The following ZMYM2 variants were observed in gnomAD, a reference collection of about 807,000 sequenced individuals.
ZMYM2 encodes zinc finger MYM-type containing 2.
A neutral mutation model predicts 162.8 loss-of-function variants in ZMYM2; 56 were observed. That is an observed-to-expected ratio of 0.34 (90% confidence interval 0.28 to 0.43). ZMYM2 has a LOEUF of 0.43. ZMYM2 is among the 20% of genes least tolerant of loss of function. ZMYM2 has a pLI of 1.00. For synonymous variants in ZMYM2, 510 were observed against 541.6 expected (o/e 0.94, Z 0.81); for missense variants, 1,275 against 1,621.8 (o/e 0.79, Z 3.67).
chr13:19,949,815 A>C, the ZMYM2 span, among the ~76,000 whole-genome samples: 1 of 150,412 alleles, frequency 6.6e-6, no homozygotes, highest in Admixed American at 6.6e-5. Flanking sequence ...TGAACCTGGG[A>C]GAACGAGATT....
At chr13:19,962,883 G>T (rs577316387) in intron 2 of ZMYM2, among the ~76,000 whole-genome samples, 62 of 146,024 alleles carry the variant, frequency 4.2e-4, no homozygotes, top group African/African-American at 1.5e-3. Context: ...GTGCAGTGGC[G>T]TGATGTCTGC....
At chr13:20,064,230 T>C (rs1262006609) in intron 18 of ZMYM2, among the ~76,000 whole-genome samples, 1 of 152,080 alleles carries the variant, frequency 6.6e-6, no homozygotes, top group East Asian at 1.9e-4. Flanking sequence ...ATGAAAATTT[T>C]ATGTTGATAT....
chr13:19,945,328 T>C, the ZMYM2 span, among the ~76,000 whole-genome samples: 1 of 152,098 alleles, frequency 6.6e-6, no homozygotes, highest in Non-Finnish European at 1.5e-5. Context: ...CTCGGCTCAC[T>C]ACAACCTCTG....
chr13:20,009,919 T>C (rs181061876), intron 6 of ZMYM2, among the ~76,000 whole-genome samples: 32 of 152,310 alleles, frequency 2.1e-4, no homozygotes, highest in South Asian at 6.2e-4. Flanking sequence ...TTCCATTCTT[T>C]TGGATGAGTG....
At chr13:20,044,283 T>A (rs1349577829) in intron 12 of ZMYM2, among the ~76,000 whole-genome samples, 1 of 152,142 alleles carries the variant, frequency 6.6e-6, no homozygotes, top group Non-Finnish European at 1.5e-5. Flanking sequence ...GGCTGAAGGG[T>A]TTCCTCCTGC....
intron 2 of ZMYM2, among the ~76,000 whole-genome samples, chr13:19,967,594 G>A (rs573553487): frequency 7.9e-5 from 12 of 152,168 alleles, no homozygotes; most frequent in African/African-American, 1.2e-4. Flanking sequence ...TTTACTACAC[G>A]TACATTATGC....
chr13:19,912,292 G>GTTTTTTTTTTTTTTTTTTTTT, the ZMYM2 span, among the ~76,000 whole-genome samples: 10 of 75,710 alleles, frequency 1.3e-4, no homozygotes, highest in Admixed American at 1.6e-4. Flanking sequence ...TGTTTTTTGG[G>GTTTTTTTTTTTTTTTTTTTTT]TTTTTTTTTT....
chr13:19,884,777 C>T, the ZMYM2 span, among the ~76,000 whole-genome samples: 1 of 152,108 alleles, frequency 6.6e-6, no homozygotes, highest in African/African-American at 2.4e-5. Context: ...GTGCCGACGC[C>T]CCCAAGACAG....
At chr13:20,071,669 C>T (rs1387039243) in intron 21 of ZMYM2, among the ~76,000 whole-genome samples, 1 of 152,156 alleles carries the variant, frequency 6.6e-6, no homozygotes, top group Non-Finnish European at 1.5e-5. Flanking sequence ...GGGAGAGTAG[C>T]CTTTGCTATG....
intron 2 of ZMYM2, among the ~76,000 whole-genome samples, chr13:19,971,264 T>A (rs2031209): frequency 0.17 from 8,654 of 49,686 alleles, 429 homozygotes; most frequent in African/African-American, 0.25. Context: ...ATATATATAT[T>A]TTTTTTTTTT....
At chr13:20,060,244 C>T (rs1956128379) in intron 16 of ZMYM2, among the ~76,000 whole-genome samples, 1 of 152,172 alleles carries the variant, frequency 6.6e-6, no homozygotes, top group African/African-American at 2.4e-5. Flanking sequence ...CGACAGTTAA[C>T]TTAGATTTGG....
intron 2 of ZMYM2, among the ~76,000 whole-genome samples, chr13:19,975,311 T>A (rs1381951127): frequency 6.6e-6 from 1 of 152,158 alleles, no homozygotes; most frequent in Non-Finnish European, 1.5e-5. Context: ...GTTTTCATCA[T>A]CCCAAATAGA....
intron 8 of ZMYM2, 93 bp from the exon 9 acceptor site, chr13:20,027,110 T>G (rs1485206374): frequency 1.2e-6 from 1 of 864,460 alleles, no homozygotes; most frequent in African/African-American, 1.7e-5. Context: ...TAGTTTATTT[T>G]TTAACAGAAA....
At chr13:20,022,588 T>C (rs1478658633) in intron 7 of ZMYM2, among the ~76,000 whole-genome samples, 1 of 152,182 alleles carries the variant, frequency 6.6e-6, no homozygotes, top group Non-Finnish European at 1.5e-5. Context: ...TTAGAATAAG[T>C]CTGCTAAAAG....
At chr13:20,062,110 C>T (rs142438163) in intron 17 of ZMYM2, among the ~76,000 whole-genome samples, 99 of 152,180 alleles carry the variant, frequency 6.5e-4, no homozygotes, top group African/African-American at 2.3e-3. Flanking sequence ...CCCTAGAGGA[C>T]AATCAAAATA....
rs552736672 is a variant in ZMYM2, at chr13:20,088,772, C to T, written c.*2758C>T. On this transcript the variant is annotated 3_prime_UTR_variant, in exon 25 of 25. Coordinates refer to ENST00000610343, the MANE Select transcript of ZMYM2 (RefSeq NM_197968.4). The stretch of plus-strand genomic sequence containing the variant: ...TCAAATTTATCACTGTTTTTTCTGA[C>T]AGACTTTCCCTTTGTCCTTTCTAGT... The T allele has an allele frequency of 5.1e-6, 1 of 195,284 alleles. No homozygotes were observed. Among genetic ancestry groups the T allele is most frequent in the Admixed American group, 6.1e-5 (1 of 16,474 alleles). The allele number at this position is 195,284 out of a possible 1,614,324, so 12.1% of individuals were successfully genotyped here. A position where few individuals can be genotyped will look rare whatever the true frequency, so the allele number is the denominator to read the frequency against.
intron 2 of ZMYM2, among the ~76,000 whole-genome samples, chr13:19,976,725 C>T (rs573438421): frequency 2.0e-5 from 3 of 152,282 alleles, no homozygotes; most frequent in African/African-American, 7.2e-5. Context: ...TACGTTATAG[C>T]GTGTGTCAGA....
At chr13:20,041,977 C>T (rs987199087) in intron 12 of ZMYM2, among the ~76,000 whole-genome samples, 1 of 152,172 alleles carries the variant, frequency 6.6e-6, no homozygotes, top group African/African-American at 2.4e-5. Context: ...TTCTCTCTAG[C>T]TGCCTTTTAA....
intron 2 of ZMYM2, among the ~76,000 whole-genome samples, chr13:19,963,523 T>TA (rs1955468009): frequency 6.6e-6 from 1 of 152,256 alleles, no homozygotes; most frequent in Admixed American, 6.5e-5. Flanking sequence ...TTTTTTTTTT[T>TA]ATGTAGTTGG....
Sources: allele counts gnomAD v4.1 joint callset (sites outside exome capture counted in the v4.1 genomes callset), GRCh38; gene constraint gnomAD v4.1.1; transcripts MANE v1.5; gene names NCBI Gene and HGNC (gene_info 2026-07-23, HGNC 2026-07-21).